The following THAP12 variants were observed in gnomAD, a reference collection of about 807,000 sequenced individuals.
THAP12 encodes the protein 52 kDa repressor of the inhibitor of the protein kinase.
A neutral mutation model predicts 63.0 loss-of-function variants in THAP12; 20 were observed. The ratio of observed to expected loss-of-function variants is 0.32; its 90% confidence interval spans 0.22 to 0.46. The LOEUF is 0.46. Among genes scored for constraint, THAP12 ranks in the 20% least tolerant of loss-of-function variants. THAP12 has a pLI of 1.00. For synonymous variants in THAP12, 264 were observed against 328.4 expected (o/e 0.80, Z 2.12); for missense variants, 568 against 908.2 (o/e 0.63, Z 4.81).
chr11:76,379,631 C>T (rs1315907981), intron 1 of THAP12, among the ~76,000 whole-genome samples: 1 of 152,168 alleles, frequency 6.6e-6, no homozygotes, highest in Admixed American at 6.5e-5. Flanking sequence ...CTTCTCTAAT[C>T]ACTGTATTTA....
At chr11:76,376,890 A>G (rs1946715213) in intron 1 of THAP12, among the ~76,000 whole-genome samples, 1 of 152,166 alleles carries the variant, frequency 6.6e-6, no homozygotes, top group Non-Finnish European at 1.5e-5. Flanking sequence ...TCATTATGGA[A>G]GTGAAATAAA....
intron 1 of THAP12, among the ~76,000 whole-genome samples, chr11:76,370,744 T>C (rs1459703540): frequency 6.7e-6 from 1 of 149,040 alleles, no homozygotes; most frequent in Non-Finnish European, 1.5e-5. Flanking sequence ...ATCACTTGAA[T>C]CCGGGAGGTG....
intron 2 of THAP12, among the ~76,000 whole-genome samples, chr11:76,363,888 G>A (rs1946614798): frequency 6.6e-6 from 1 of 152,136 alleles, no homozygotes; most frequent in South Asian, 2.1e-4. Context: ...TTACAGGTGT[G>A]AGCTACCATA....
chr11:76,363,692 G>A (rs560742796), intron 2 of THAP12, among the ~76,000 whole-genome samples: 4 of 152,308 alleles, frequency 2.6e-5, no homozygotes, highest in African/African-American at 7.2e-5. Flanking sequence ...TGGTTCAAGC[G>A]ATTCTCCTGT....
intron 1 of THAP12, among the ~76,000 whole-genome samples, chr11:76,380,216 C>T (rs1346520840): frequency 6.6e-6 from 1 of 152,128 alleles, no homozygotes; most frequent in Non-Finnish European, 1.5e-5. Flanking sequence ...GTAACGGTGA[C>T]AGCCAGAAAA....
intron 1 of THAP12, among the ~76,000 whole-genome samples, chr11:76,377,379 T>C (rs921985110): frequency 6.6e-6 from 1 of 152,174 alleles, no homozygotes; most frequent in African/African-American, 2.4e-5. Flanking sequence ...AAAGGAAACC[T>C]TGTAACCATT....
intron 3 of THAP12, chr11:76,359,328 T>C (rs914513064): frequency 2.0e-5 from 3 of 152,220 alleles, no homozygotes; most frequent in South Asian, 4.1e-4. Context: ...AGGTATTTTA[T>C]GGGATTTTTT....
chr11:76,380,625 C>A, intron 1 of THAP12, 123 bp downstream of exon 1: 2 of 694,066 alleles, frequency 2.9e-6, no homozygotes, highest in South Asian at 1.0e-4. Flanking sequence ...GGGTCGACGG[C>A]AGTGCGCTGC....
At chr11:76,377,656 G>T (rs937295084) in intron 1 of THAP12, among the ~76,000 whole-genome samples, 1 of 152,178 alleles carries the variant, frequency 6.6e-6, no homozygotes, top group African/African-American at 2.4e-5. Context: ...TGATAAACGT[G>T]GCTTGTTTCT....
At chr11:76,365,264 A>T (rs1411154995) in intron 2 of THAP12, among the ~76,000 whole-genome samples, 5 of 151,072 alleles carry the variant, frequency 3.3e-5, no homozygotes, top group African/African-American at 1.2e-4. Context: ...ACTGCACTCC[A>T]GCCTGGGTGA....
At chr11:76,376,948 G>A (rs951793224) in intron 1 of THAP12, among the ~76,000 whole-genome samples, 3 of 152,142 alleles carry the variant, frequency 2.0e-5, no homozygotes, top group African/African-American at 4.8e-5. Flanking sequence ...GGAAGATAAC[G>A]CATAATGGGG....
intron 3 of THAP12, chr11:76,358,939 T>C (rs577680218): frequency 6.6e-6 from 1 of 152,312 alleles, no homozygotes; most frequent in Admixed American, 6.5e-5. Context: ...ACTAGAATTG[T>C]TCAACATAGT....
chr11:76,363,490 C>T (rs1946611426), intron 2 of THAP12, among the ~76,000 whole-genome samples: 2 of 152,112 alleles, frequency 1.3e-5, no homozygotes, highest in African/African-American at 2.4e-5. Flanking sequence ...ACTACAGACA[C>T]GTGCCACTGT....
chr11:76,355,526 G>A (rs1946555362), intron 4 of THAP12, 92 bp downstream of exon 4: 2 of 1,207,964 alleles, frequency 1.7e-6, no homozygotes, highest in Non-Finnish European at 2.3e-6. Flanking sequence ...CTCAAGGTAG[G>A]TTTTCAACAC....
At chr11:76,358,992 AAAAT>A (rs1201272396) in intron 3 of THAP12, 2 of 152,240 alleles carry the variant, frequency 1.3e-5, no homozygotes, top group African/African-American at 4.8e-5. Flanking sequence ...AGAAAAAATT[AAAAT>A]AATAAGAACT....
At chr11:76,370,919 T>C (rs1946670151) in intron 1 of THAP12, among the ~76,000 whole-genome samples, 1 of 151,976 alleles carries the variant, frequency 6.6e-6, no homozygotes, top group Non-Finnish European at 1.5e-5. Context: ...TATATATATT[T>C]ATATACATAC....
intron 3 of THAP12, chr11:76,357,570 A>C (rs1946569915): frequency 6.6e-6 from 1 of 152,162 alleles, no homozygotes; most frequent in Non-Finnish European, 1.5e-5. Context: ...AAAGAAGATT[A>C]CCTAAAAAGG....
Position 76,351,536 on chromosome 11 carries a change from T to C in THAP12, c.1614A>G (p.Glu538=). 6.4e-7 allele frequency: 1 copy of C among 1,568,802 alleles called. No individual in the cohort carries two copies. Among genetic ancestry groups the C allele is most frequent in the Non-Finnish European group, 8.7e-7 (1 of 1,154,592 alleles). Residue 538 remains glutamate (E), a synonymous_variant, in exon 5 of 5, where the codon GAA becomes GAG. Transcript: ENST00000260045. ...CAAGTTTGGTTGCCAAATTTGTGGC[T>C]TCCTCAAACCAAAATTCATGATAAA... ...IEVYHEFWFE[E]ATNLATKLDI...
rs1490032162 is a variant in THAP12, at chr11:76,352,318, C to G, written c.832G>C (p.Val278Leu). ...GATTCATCAACAAACCTCACCAACA[C>G]AGGTAGGTGCTCTTCCCCTGCTATG... ...VDIAGEEHLP[V>L]LVRFVDESHN... is the part of the protein sequence containing the mutation. The change falls in exon 5 of 5, where the codon GTG becomes CTG. Residue 278 changes from valine to leucine, a missense_variant. Transcript: ENST00000260045. 9 of 1,611,790 alleles carry G rather than the reference C, an allele frequency of 5.6e-6. No individual in the cohort carries two copies. In the Admixed American group the frequency reaches 8.3e-5, roughly 15 times the overall value.
Sources: allele counts gnomAD v4.1 joint callset (sites outside exome capture counted in the v4.1 genomes callset), GRCh38; gene constraint gnomAD v4.1.1; transcripts MANE v1.5; gene names NCBI Gene and HGNC (gene_info 2026-07-23, HGNC 2026-07-21).